Variants in FAT4 observed in about 807,000 individuals in gnomAD.
The protein encoded by FAT4 is protocadherin Fat 4.
A neutral mutation model predicts 303.9 loss-of-function variants in FAT4; 84 were observed. The observed-to-expected ratio is 0.28, with a 90% CI of 0.23 to 0.33. FAT4 has a LOEUF of 0.33. FAT4 is among the 10% of genes least tolerant of loss of function. The pLI is 1.00. For synonymous variants in FAT4, 2,307 were observed against 2,298.8 expected (o/e 1.00, Z -0.10); for missense variants, 6,005 against 6,146.8 (o/e 0.98, Z 0.77).
chr4:125,346,413 A>G (rs879714266), intron 2 of FAT4, among the ~76,000 whole-genome samples: 4 of 151,812 alleles, frequency 2.6e-5, no homozygotes, highest in Non-Finnish European at 4.4e-5. Context: ...TTATGGCTAT[A>G]CTTTTTTTTT....
At chr4:125,482,312 A>G in intron 16 of FAT4, among the ~76,000 whole-genome samples, 1 of 152,166 alleles carries the variant, frequency 6.6e-6, no homozygotes, top group East Asian at 1.9e-4. Flanking sequence ...TTTTTAAATA[A>G]TCTTAAAAAT....
At chr4:125,368,293 G>T (rs1423305957) in intron 2 of FAT4, among the ~76,000 whole-genome samples, 1 of 151,870 alleles carries the variant, frequency 6.6e-6, no homozygotes, top group Non-Finnish European at 1.5e-5. Flanking sequence ...AAATAACCAT[G>T]TTTTTAATCT....
At chr4:125,325,118 G>T (rs1297124683) in intron 2 of FAT4, among the ~76,000 whole-genome samples, 1 of 152,072 alleles carries the variant, frequency 6.6e-6, no homozygotes, top group African/African-American at 2.4e-5. Flanking sequence ...TTTGCCTACT[G>T]CATCAGAAGT....
At chr4:125,478,858 A>G (rs2126085179) in intron 14 of FAT4, among the ~76,000 whole-genome samples, 1 of 152,116 alleles carries the variant, frequency 6.6e-6, no homozygotes, top group Non-Finnish European at 1.5e-5. Flanking sequence ...AAGTCAGTTA[A>G]CTTTTCACTT....
At chr4:125,344,214 G>A (rs1202936568) in intron 2 of FAT4, among the ~76,000 whole-genome samples, 1 of 152,096 alleles carries the variant, frequency 6.6e-6, no homozygotes, top group South Asian at 2.1e-4. Context: ...TTCTTTTAAT[G>A]TATTCTACTA....
intron 2 of FAT4, among the ~76,000 whole-genome samples, chr4:125,339,142 C>T (rs576722716): frequency 5.3e-5 from 8 of 152,086 alleles, no homozygotes; most frequent in Non-Finnish European, 8.8e-5. Context: ...TATAATTATT[C>T]ATCTCTCTAC....
intron 3 of FAT4, among the ~76,000 whole-genome samples, chr4:125,400,624 C>A (rs551874135): frequency 1.3e-5 from 2 of 151,866 alleles, no homozygotes; most frequent in East Asian, 3.9e-4. Context: ...CTAGAGGAAG[C>A]CTAGGAAGGT....
rs1456247271 is a variant in FAT4 at position 125,450,568 on chromosome 4, G to A, written c.9558G>A (p.Val3186=). 4 of 1,613,948 alleles carry A rather than the reference G, an allele frequency of 2.5e-6. No homozygotes were observed. Among genetic ancestry groups the A allele is most frequent in the Non-Finnish European group, 2.5e-6 (3 of 1,180,012 alleles). The change falls in exon 10 of 18, where the codon GTG becomes GTA. Residue 3186 remains valine (V), a synonymous_variant. Transcript: ENST00000394329. ...RTGYCSVTVN[V]IDVNDNSPVF... is the part of the protein sequence containing the mutation. ...GTTACTGCAGTGTGACCGTAAATGT[G>A]ATTGATGTGAATGATAATTCTCCAG...
intron 11 of FAT4, among the ~76,000 whole-genome samples, chr4:125,467,464 A>G (rs1726706044): frequency 6.6e-6 from 1 of 152,220 alleles, no homozygotes; most frequent in Non-Finnish European, 1.5e-5. Flanking sequence ...ATCATTTGCC[A>G]CAGTCTACTA....
At chr4:125,331,912 G>T (rs1731401876) in intron 2 of FAT4, among the ~76,000 whole-genome samples, 3 of 152,102 alleles carry the variant, frequency 2.0e-5, no homozygotes, top group African/African-American at 7.2e-5. Context: ...TTGAAAGAAT[G>T]CAGGCTTTTG....
chr4:125,452,032 A>G lies in FAT4; in HGVS notation c.11022A>G (p.Pro3674=), dbSNP rs771392259. The stretch of plus-strand genomic sequence containing the variant: ...GTACTTGTGATCTGAATTCCCAGCC[A>G]AGGTCCACAGATGGCACGTTTGATC... The part of the protein sequence containing the change: ...PGGTCDLNSQ[P]RSTDGTFDLT... Residue 3674 remains proline, a synonymous_variant, in exon 10 of 18, where the codon CCA becomes CCG. Transcript: ENST00000394329. 1.2e-6 allele frequency: 2 copies of G among 1,614,038 alleles called. No homozygotes were observed. Among genetic ancestry groups the G allele is most frequent in the South Asian group, 2.2e-5 (2 of 91,086 alleles).
intron 8 of FAT4, 96 bp downstream of exon 8, chr4:125,434,521 T>G: frequency 9.9e-7 from 1 of 1,011,494 alleles, no homozygotes; most frequent in Non-Finnish European, 1.5e-6. Flanking sequence ...ATGAACGTCA[T>G]ATTAACACAT....
chr4:125,465,130 G>T (rs1285748808), intron 11 of FAT4, among the ~76,000 whole-genome samples: 2 of 152,064 alleles, frequency 1.3e-5, no homozygotes, highest in South Asian at 2.1e-4. Context: ...TGGCTGATTT[G>T]CCCAAAGTCA....
In FAT4 at chr4:125,325,843, T is replaced by A. The variant is rs147484041; in HGVS notation, c.5175+4257T>A. 3.1e-4 allele frequency among the ~76,000 whole-genome samples: 47 copies of A among 152,342 alleles called. 1 individual carries two copies. The East Asian group carries it at 8.1e-3, about 26-fold the overall frequency. On this transcript the variant is annotated intron_variant, in intron 2 of 17. Transcript: ENST00000394329. ...AAGTACTTTGGATCTACTGCTTTGA[T>A]TTGTGCTAAAGTACCACCAGTTTTA...
chr4:125,460,889 C>G (rs1042885432), intron 10 of FAT4, among the ~76,000 whole-genome samples: 1 of 151,946 alleles, frequency 6.6e-6, no homozygotes, highest in Non-Finnish European at 1.5e-5. Flanking sequence ...TCCACTAAGA[C>G]AAAGTAAAAA....
chr4:125,355,709 C>A (rs1732397816), intron 2 of FAT4, among the ~76,000 whole-genome samples: 1 of 151,728 alleles, frequency 6.6e-6, no homozygotes, highest in Non-Finnish European at 1.5e-5. Context: ...GTAGGTCAAT[C>A]TTTTTTTCTT....
In FAT4 at chr4:125,481,643, T is replaced by A. The variant is rs754276861; in HGVS notation, c.12727T>A (p.Phe4243Ile). Residue 4243 changes from phenylalanine to isoleucine, a missense_variant, in exon 16 of 18, where the codon TTT becomes ATT. Physicochemically the swap from Phe to Ile is conservative, Grantham distance 21. Coordinates refer to ENST00000394329, the MANE Select transcript of FAT4 (RefSeq NM_001291303.3). ...QSLRGAMLEP[F>I]GVNSLEVKFR... ...CTTACGAGGTGCCATGTTGGAGCCT[T>A]TTGGTGTGAACAGTCTGGAAGTAAA... is the stretch of plus-strand genomic sequence containing the variant. The A allele has an allele frequency of 6.2e-7, 1 of 1,614,032 alleles. No individual in the cohort carries two copies. Among genetic ancestry groups the A allele is most frequent in the Admixed American group, 1.7e-5 (1 of 59,998 alleles).
intron 2 of FAT4, among the ~76,000 whole-genome samples, chr4:125,334,822 T>C (rs1377910907): frequency 1.3e-5 from 2 of 152,174 alleles, no homozygotes; most frequent in Non-Finnish European, 2.9e-5. Flanking sequence ...ATAGTCTCTT[T>C]TTTTTAAGAT....
chr4:125,450,874 A>G lies in FAT4; in HGVS notation c.9864A>G (p.Ile3288Met), dbSNP rs761796573. ...GGTGTAGCTTTGCCACTGTTAATATACAATTAAAAGGGACAAATGAATATG... is the reference window on the plus strand; with the variant it reads ...GGTGTAGCTTTGCCACTGTTAATATGCAATTAAAAGGGACAAATGAATATG... ...EERCSFATVNIQLKGTNEYVP... is the reference protein window; with the variant it reads ...EERCSFATVNMQLKGTNEYVP... Residue 3288 changes from isoleucine to methionine, a missense_variant, in exon 10 of 18, where the codon ATA becomes ATG. Transcript: ENST00000394329. 38 of 1,614,140 alleles carry G rather than the reference A, an allele frequency of 2.4e-5. No homozygotes were observed. The highest frequency in any genetic ancestry group is 1.6e-4 in the Middle Eastern group (1 of 6,062).
Sources: allele counts gnomAD v4.1 joint callset (sites outside exome capture counted in the v4.1 genomes callset), GRCh38; gene constraint gnomAD v4.1.1; transcripts MANE v1.5; gene names NCBI Gene and HGNC (gene_info 2026-07-23, HGNC 2026-07-21).